PREP: variants seen among roughly 807,000 people sequenced by gnomAD.
PREP encodes the protein dJ355L5.1 (prolyl endopeptidase).
In PREP, 29 loss-of-function variants were observed where a neutral mutation model predicts 87.6. The ratio of observed to expected loss-of-function variants is 0.33; its 90% CI spans 0.25 to 0.45. The LOEUF is 0.45. PREP is among the 20% of genes least tolerant of loss of function. PREP has a pLI of 1.00. For missense variants in PREP, 695 were observed against 886.5 expected, an observed-to-expected ratio of 0.78 and a Z score of 2.74; for synonymous variants, 337 against 328.6, an observed-to-expected ratio of 1.03 and a Z score of -0.28.
intron 10 of PREP, among the ~76,000 whole-genome samples, chr6:105,291,723 C>T (rs1770300467): frequency 6.6e-6 from 1 of 152,150 alleles, no homozygotes; most frequent in South Asian, 2.1e-4. Context: ...AAACTCCTGT[C>T]CTTCTAAGAG....
chr6:105,356,351 T>A (rs1459893501), intron 6 of PREP, among the ~76,000 whole-genome samples: 1 of 152,220 alleles, frequency 6.6e-6, no homozygotes, highest in African/African-American at 2.4e-5. Context: ...CTTGTCAGAA[T>A]GTGAACGTCT....
intron 7 of PREP, among the ~76,000 whole-genome samples, chr6:105,338,285 T>C (rs1316638399): frequency 6.6e-6 from 1 of 152,230 alleles, no homozygotes; most frequent in Non-Finnish European, 1.5e-5. Context: ...TGATATTTGT[T>C]ATGACCCCTC....
intron 6 of PREP, among the ~76,000 whole-genome samples, chr6:105,357,082 G>A (rs1772118235): frequency 6.6e-6 from 1 of 151,952 alleles, no homozygotes; most frequent in South Asian, 2.1e-4. Flanking sequence ...AATATACATG[G>A]CTAACAAAAC....
chr6:105,310,057 T>C (rs551153982), intron 10 of PREP, among the ~76,000 whole-genome samples: 1 of 152,176 alleles, frequency 6.6e-6, no homozygotes, highest in African/African-American at 2.4e-5. Flanking sequence ...GATTTTTTTA[T>C]AGGTTTTCTT....
At chr6:105,395,136 C>T (rs1242917027) in intron 2 of PREP, among the ~76,000 whole-genome samples, 1 of 152,090 alleles carries the variant, frequency 6.6e-6, no homozygotes. Flanking sequence ...GATGTAAGAT[C>T]ACAGTACTCT....
intron 14 of PREP, among the ~76,000 whole-genome samples, chr6:105,280,163 G>A (rs1366467651): frequency 6.6e-6 from 1 of 152,136 alleles, no homozygotes; most frequent in African/African-American, 2.4e-5. Flanking sequence ...GTGTGCGGTG[G>A]TGCGCACCTG....
At chr6:105,364,987 C>A (rs776369551) in intron 6 of PREP, among the ~76,000 whole-genome samples, 5 of 152,216 alleles carry the variant, frequency 3.3e-5, no homozygotes, top group Non-Finnish European at 7.3e-5. Flanking sequence ...CAGTGGCTCA[C>A]GCCTGTAATC....
chr6:105,339,983 G>C (rs1288330070), intron 7 of PREP, among the ~76,000 whole-genome samples: 4 of 152,168 alleles, frequency 2.6e-5, no homozygotes, highest in African/African-American at 9.7e-5. Context: ...ATATTATCCA[G>C]GAGAACGCCC....
chr6:105,282,813 C>G (rs1770111713), intron 12 of PREP, among the ~76,000 whole-genome samples: 1 of 152,124 alleles, frequency 6.6e-6, no homozygotes, highest in Non-Finnish European at 1.5e-5. Context: ...TTTCTAAAAG[C>G]CTCTAGAACT....
intron 10 of PREP, among the ~76,000 whole-genome samples, chr6:105,315,515 A>T (rs1770844293): frequency 6.6e-6 from 1 of 152,118 alleles, no homozygotes; most frequent in Admixed American, 6.6e-5. Context: ...AAGAATGGTA[A>T]ATGTGCACTA....
chr6:105,393,330 C>T (rs981932557), intron 2 of PREP, among the ~76,000 whole-genome samples: 11 of 152,006 alleles, frequency 7.2e-5, no homozygotes, highest in African/African-American at 2.7e-4. Context: ...GCGTTTAAGG[C>T]TATATCCTTT....
At chr6:105,328,423 A>AATTTTTGT (rs1771231171) in intron 9 of PREP, among the ~76,000 whole-genome samples, 1 of 151,914 alleles carries the variant, frequency 6.6e-6, no homozygotes, top group African/African-American at 2.4e-5. Context: ...ATGCCCAGCT[A>AATTTTTGT]ATTTTTGTAT....
At chr6:105,351,091 A>G (rs1197897336) in intron 7 of PREP, among the ~76,000 whole-genome samples, 1 of 152,256 alleles carries the variant, frequency 6.6e-6, no homozygotes, top group African/African-American at 2.4e-5. Flanking sequence ...TCTTTTTGCT[A>G]TCAACTTGGC....
rs187546368 is a variant in PREP, at chr6:105,326,037, G to T, written c.1214-2269C>A. Among the ~76,000 whole-genome samples, 3 of 152,138 alleles carry T rather than the reference G, an allele frequency of 2.0e-5. No individual in the cohort carries two copies. The East Asian group carries it at 5.8e-4, about 29-fold the overall frequency. On this transcript the variant is annotated intron_variant, in intron 9 of 14. Coordinates refer to ENST00000652536, the MANE Select transcript of PREP (RefSeq NM_002726.5). ...TACCAAAACAAGAATCAGGGGATCCGAAAAGTCACGTATGTAAAAAGGCGG... is the reference window on the plus strand; with the variant it reads ...TACCAAAACAAGAATCAGGGGATCCTAAAAGTCACGTATGTAAAAAGGCGG...
chr6:105,372,708 AGCAGTAAAG>A (rs1243556626), intron 5 of PREP, among the ~76,000 whole-genome samples: 1 of 152,246 alleles, frequency 6.6e-6, no homozygotes, highest in Non-Finnish European at 1.5e-5. Flanking sequence ...CGATTACTGT[AGCAGTAAAG>A]TTTTATAATC....
intron 2 of PREP, among the ~76,000 whole-genome samples, chr6:105,396,709 G>A (rs1371610635): frequency 6.6e-6 from 1 of 151,650 alleles, no homozygotes; most frequent in Non-Finnish European, 1.5e-5. Context: ...TTTTAAATGG[G>A]AAACGTACCC....
At position 105,373,466 on chromosome 6, in the gene PREP, ATCTGGAAGC is replaced by A; in HGVS notation, c.489_497del (p.Glu163_Pro165del). 6.2e-7 allele frequency: 1 copy of A among 1,614,232 alleles called. No homozygotes were observed. Among genetic ancestry groups the A allele is most frequent in the Non-Finnish European group, 8.5e-7 (1 of 1,180,036 alleles). ...AGCTGAACTTGACTCTTTCAAGCAC[ATCTGGAAGC>A]TCTTTGGCACCATCAACTTTCATGA... On this transcript the variant is annotated inframe_deletion, in exon 5 of 15. Transcript: ENST00000652536.
chr6:105,389,974 A>G (rs960671942), intron 2 of PREP, among the ~76,000 whole-genome samples: 7 of 152,218 alleles, frequency 4.6e-5, no homozygotes, highest in African/African-American at 1.7e-4. Flanking sequence ...ACGTTTTCCT[A>G]CACAAACTTT....
At chr6:105,309,254 C>T (rs1583047442) in intron 10 of PREP, among the ~76,000 whole-genome samples, 1 of 152,050 alleles carries the variant, frequency 6.6e-6, no homozygotes, top group African/African-American at 2.4e-5. Context: ...GCAATGAGTC[C>T]CTACTGTTTT....
Sources: allele counts gnomAD v4.1 joint callset (sites outside exome capture counted in the v4.1 genomes callset), GRCh38; gene constraint gnomAD v4.1.1; transcripts MANE v1.5; gene names NCBI Gene and HGNC (gene_info 2026-07-23, HGNC 2026-07-21).